The following PTPN12 variants were observed in gnomAD, a reference collection of about 807,000 sequenced individuals.
The protein encoded by PTPN12 is protein tyrosine phosphatase non-receptor type 12.
Under a neutral mutation model 97.6 loss-of-function variants are expected in PTPN12, and 29 were observed. That is an observed-to-expected ratio of 0.30 (90% confidence interval 0.22 to 0.41). The LOEUF (loss-of-function observed/expected upper bound fraction) is 0.41. Among genes scored for constraint, PTPN12 ranks in the 10% least tolerant of loss-of-function variants. The pLI is 1.00. For synonymous variants in PTPN12, 327 were observed against 300.4 expected (o/e 1.09, Z -0.91); for missense variants, 819 against 926.0 (o/e 0.88, Z 1.50).
intron 16 of PTPN12, among the ~76,000 whole-genome samples, 158 bp downstream of exon 16, chr7:77,637,206 C>A (rs775327997): frequency 2.6e-5 from 4 of 151,948 alleles, no homozygotes; most frequent in Non-Finnish European, 5.9e-5. Flanking sequence ...TATAATTCTT[C>A]CAAATTAATT....
intron 1 of PTPN12, among the ~76,000 whole-genome samples, chr7:77,540,736 G>GGC: frequency 6.6e-6 from 1 of 151,756 alleles, no homozygotes; most frequent in Admixed American, 6.6e-5. Flanking sequence ...CTGACTGGAA[G>GGC]GCTGGAGAGG....
intron 1 of PTPN12, among the ~76,000 whole-genome samples, chr7:77,546,225 A>C (rs982557838): frequency 6.6e-6 from 1 of 152,236 alleles, no homozygotes; most frequent in East Asian, 1.9e-4. Flanking sequence ...CATGTTCACC[A>C]AAAACTCAGA....
At chr7:77,553,605 C>T (rs899237609) in intron 1 of PTPN12, among the ~76,000 whole-genome samples, 1 of 152,154 alleles carries the variant, frequency 6.6e-6, no homozygotes, top group African/African-American at 2.4e-5. Flanking sequence ...AATAACTAGT[C>T]TCATTTTATT....
chr7:77,636,958 T>G, intron 15 of PTPN12, 60 bp from the exon 16 acceptor site: 1 of 1,341,988 alleles, frequency 7.5e-7, no homozygotes, highest in South Asian at 1.3e-5. Flanking sequence ...AGACCCAGCT[T>G]TCTATTATTT....
intron 2 of PTPN12, among the ~76,000 whole-genome samples, chr7:77,579,289 T>A (rs918467441): frequency 6.6e-6 from 1 of 151,756 alleles, no homozygotes; most frequent in Non-Finnish European, 1.5e-5. Flanking sequence ...GCCCTGCCAA[T>A]TTTTTTTGTA....
chr7:77,555,131 A>G (rs1195807383), intron 1 of PTPN12, among the ~76,000 whole-genome samples: 1 of 151,880 alleles, frequency 6.6e-6, no homozygotes, highest in Non-Finnish European at 1.5e-5. Context: ...AGTTTCTGAA[A>G]CAGAGTCAGA....
intron 1 of PTPN12, among the ~76,000 whole-genome samples, chr7:77,567,741 A>G (rs2151315089): frequency 6.6e-6 from 1 of 152,334 alleles, no homozygotes; most frequent in Non-Finnish European, 1.5e-5. Flanking sequence ...TCTTTGATCT[A>G]GGAAAGGTTT....
intron 2 of PTPN12, among the ~76,000 whole-genome samples, chr7:77,574,488 A>ATC (rs1787274418): frequency 6.6e-6 from 1 of 152,202 alleles, no homozygotes; most frequent in Non-Finnish European, 1.5e-5. Flanking sequence ...GCGGTTTTAA[A>ATC]GCCTTCACTA....
intron 1 of PTPN12, among the ~76,000 whole-genome samples, chr7:77,550,925 C>T (rs1010857012): frequency 6.6e-6 from 1 of 152,094 alleles, no homozygotes; most frequent in African/African-American, 2.4e-5. Context: ...ACCACTGCCA[C>T]CTCTTGGTAG....
At chr7:77,553,910 TA>T in intron 1 of PTPN12, among the ~76,000 whole-genome samples, 1 of 87,942 alleles carries the variant, frequency 1.1e-5, no homozygotes, top group African/African-American at 3.6e-5. Flanking sequence ...CAAAATATCA[TA>T]TGACTGTCCT....
At chr7:77,628,431 T>C (rs1263585067) in intron 13 of PTPN12, among the ~76,000 whole-genome samples, 1 of 152,178 alleles carries the variant, frequency 6.6e-6, no homozygotes, top group African/African-American at 2.4e-5. Context: ...AGTAAACATA[T>C]AAATTTGAAA....
intron 5 of PTPN12, among the ~76,000 whole-genome samples, chr7:77,590,607 CT>C (rs1787836623): frequency 6.6e-6 from 1 of 150,682 alleles, no homozygotes; most frequent in African/African-American, 2.4e-5. Context: ...GTCGCCCAGG[CT>C]TGAGTGCAGT....
intron 2 of PTPN12, among the ~76,000 whole-genome samples, chr7:77,574,248 G>C (rs1274015371): frequency 6.6e-6 from 1 of 152,156 alleles, no homozygotes; most frequent in Non-Finnish European, 1.5e-5. Context: ...TTACAGTTTT[G>C]GCTGGGGTAG....
intron 12 of PTPN12, among the ~76,000 whole-genome samples, 173 bp from the exon 13 acceptor site, chr7:77,626,531 CA>C (rs1232788449): frequency 6.6e-6 from 1 of 152,100 alleles, no homozygotes; most frequent in Admixed American, 6.6e-5. Context: ...ACTTTTTAAA[CA>C]GTATATGTGT....
At chr7:77,545,471 G>T (rs781689838) in intron 1 of PTPN12, among the ~76,000 whole-genome samples, 11 of 152,072 alleles carry the variant, frequency 7.2e-5, no homozygotes, top group Non-Finnish European at 1.3e-4. Context: ...AATTTTAAAT[G>T]TGTATTTTGA....
chr7:77,576,528 C>T (rs1354976559), intron 2 of PTPN12, among the ~76,000 whole-genome samples: 1 of 152,084 alleles, frequency 6.6e-6, no homozygotes, highest in Non-Finnish European at 1.5e-5. Flanking sequence ...GAAACCCCGC[C>T]TCTACTAAAA....
intron 1 of PTPN12, among the ~76,000 whole-genome samples, chr7:77,541,823 C>A (rs577778950): frequency 6.6e-6 from 1 of 152,190 alleles, no homozygotes; most frequent in Non-Finnish European, 1.5e-5. Context: ...CCAGACTGTG[C>A]AGAACTATGT....
intron 5 of PTPN12, among the ~76,000 whole-genome samples, chr7:77,588,487 T>G (rs1787764021): frequency 6.6e-6 from 1 of 152,168 alleles, no homozygotes; most frequent in Non-Finnish European, 1.5e-5. Flanking sequence ...ACATCACTGA[T>G]CAGATTACAA....
rs987725774 is a variant in PTPN12 at position 77,639,310 on chromosome 7, T to C, written c.*30T>C. On this transcript the variant is annotated 3_prime_UTR_variant, in exon 18 of 18. Coordinates refer to ENST00000248594, the MANE Select transcript of PTPN12 (RefSeq NM_002835.4). ...GGGAGCTAGAAGACACTTTAAGTTA[T>C]ACTGGAAAATTCAGGTGCCACTGAA... 1.3e-6 allele frequency: 2 copies of C among 1,578,644 alleles called. No individual in the cohort carries two copies. Among genetic ancestry groups the C allele is most frequent in the Admixed American group, 1.7e-5 (1 of 58,162 alleles).
Sources: gnomAD v4.1 joint callset for allele counts (sites outside exome capture counted in the v4.1 genomes callset) on GRCh38, gnomAD v4.1.1 for gene constraint, MANE v1.5 for transcripts, NCBI Gene and HGNC (gene_info 2026-07-23, HGNC 2026-07-21) for gene names.